FAT3: variants seen among roughly 807,000 people sequenced by gnomAD.
FAT3 encodes the protein protocadherin Fat 3.
Under a neutral mutation model 310.2 loss-of-function variants are expected in FAT3, and 95 were observed. The ratio of observed to expected loss-of-function variants is 0.31; its 90% CI spans 0.26 to 0.36. The LOEUF (loss-of-function observed/expected upper bound fraction) is 0.36, where lower values mean the gene tolerates loss of function less well. FAT3 is among the 10% of genes least tolerant of loss of function. The pLI is 1.00. For synonymous variants in FAT3, 2,314 were observed against 2,192.9 expected, an observed-to-expected ratio of 1.06 and a Z score of -1.54; for missense variants, 5,408 against 5,715.6, an observed-to-expected ratio of 0.95 and a Z score of 1.74.
intron 2 of FAT3, among the ~76,000 whole-genome samples, chr11:92,435,162 C>T (rs1950896418): frequency 6.6e-6 from 1 of 152,174 alleles, no homozygotes; most frequent in African/African-American, 2.4e-5. Flanking sequence ...CCTGTGCAGC[C>T]TGTGTTCCAT....
Position 92,799,175 on chromosome 11 carries a change from A to T in FAT3, c.6162A>T (p.Val2054=), listed in dbSNP as rs1947259813. ...AACAAGAGTTATATGAGCTGGTGGTAGAAGCCAGCCGTGAGCTGGACCATC... is the reference window on the plus strand; with the variant it reads ...AACAAGAGTTATATGAGCTGGTGGTTGAAGCCAGCCGTGAGCTGGACCATC... ...REEQELYELV[V]EASRELDHLR... Residue 2054 remains valine, a synonymous_variant, in exon 10 of 28, where the codon GTA becomes GTT. Transcript: ENST00000525166. The T allele has an allele frequency of 6.2e-7, 1 of 1,613,954 alleles. No individual in the cohort carries two copies. Among genetic ancestry groups the T allele is most frequent in the South Asian group, 1.1e-5 (1 of 91,082 alleles).
intron 2 of FAT3, among the ~76,000 whole-genome samples, chr11:92,485,187 T>G (rs1308532151): frequency 6.6e-6 from 1 of 152,268 alleles, no homozygotes; most frequent in East Asian, 1.9e-4. Flanking sequence ...AACAGGCCAT[T>G]ATTTAATTTA....
intron 2 of FAT3, among the ~76,000 whole-genome samples, chr11:92,442,111 A>ATATATATATTT (rs1453396603): frequency 2.2e-5 from 1 of 45,222 alleles, no homozygotes; most frequent in African/African-American, 1.8e-4. Flanking sequence ...ATATATATAT[A>ATATATATATTT]TTTTTTTTTT....
chr11:92,613,619 T>C (rs567131847), intron 3 of FAT3, among the ~76,000 whole-genome samples: 2 of 152,288 alleles, frequency 1.3e-5, no homozygotes, highest in Admixed American at 1.3e-4. Flanking sequence ...AAACCCCATC[T>C]TCTAGCCTCT....
At chr11:92,403,333 C>G (rs1469973927) in intron 2 of FAT3, 1 of 152,116 alleles carries the variant, frequency 6.6e-6, no homozygotes, top group East Asian at 1.9e-4. Flanking sequence ...TTGTTTAATT[C>G]AAGGATTTTT....
intron 4 of FAT3, among the ~76,000 whole-genome samples, chr11:92,701,490 C>T (rs1015523603): frequency 6.6e-6 from 1 of 152,218 alleles, no homozygotes; most frequent in Non-Finnish European, 1.5e-5. Flanking sequence ...GGCAAATTCA[C>T]AAGTACAGCT....
At chr11:92,618,889 G>A (rs1272942180) in intron 3 of FAT3, among the ~76,000 whole-genome samples, 1 of 151,838 alleles carries the variant, frequency 6.6e-6, no homozygotes, top group African/African-American at 2.4e-5. Context: ...CTGAGTCAAA[G>A]CAGCAAGAGC....
chr11:92,254,536 A>C (rs1213062813), intron 1 of FAT3, among the ~76,000 whole-genome samples: 1 of 152,134 alleles, frequency 6.6e-6, no homozygotes, highest in Non-Finnish European at 1.5e-5. Flanking sequence ...AAAACTTTCA[A>C]ATCATTAGGT....
At chr11:92,256,433 C>T (rs1865320788) in intron 1 of FAT3, among the ~76,000 whole-genome samples, 1 of 151,704 alleles carries the variant, frequency 6.6e-6, no homozygotes, top group South Asian at 2.1e-4. Context: ...AAAAATGTGA[C>T]TCATTTATAG....
At chr11:92,734,639 A>G (rs1945287824) in intron 4 of FAT3, among the ~76,000 whole-genome samples, 2 of 152,178 alleles carry the variant, frequency 1.3e-5, no homozygotes, top group Non-Finnish European at 2.9e-5. Context: ...GAACACTATA[A>G]GTACTCAAAA....
At chr11:92,440,922 G>T (rs1463859266) in intron 2 of FAT3, among the ~76,000 whole-genome samples, 1 of 152,022 alleles carries the variant, frequency 6.6e-6, no homozygotes, top group Admixed American at 6.6e-5. Context: ...AACCTGACTG[G>T]GTCTCAGCCT....
In FAT3 at chr11:92,353,931, G is replaced by A. The variant is rs1409407461; in HGVS notation, c.1819G>A (p.Glu607Lys). ...AGCAGTCTCAGCGATCGATATCGATGAACTTGAACTTGTAAAGTACAAAAT... is the reference window on the plus strand; with the variant it reads ...AGCAGTCTCAGCGATCGATATCGATAAACTTGAACTTGTAAAGTACAAAAT... The part of the protein sequence containing the change: ...ITAVSAIDID[E>K]LELVKYKIIS... The change falls in exon 2 of 28, where the codon GAA becomes AAA. Residue 607 changes from glutamate to lysine, a missense_variant. By Grantham distance (56) the Glu-to-Lys change is moderately conservative. Around this residue, in one of 5 missense-constraint regions of FAT3, gnomAD observed 4,588 missense variants for 4,809.8 expected, o/e 0.95. Coordinates refer to ENST00000525166, the MANE Select transcript of FAT3 (RefSeq NM_001367949.2). 2.5e-6 allele frequency: 4 copies of A among 1,611,676 alleles called. No individual in the cohort carries two copies. The highest frequency in any genetic ancestry group is 3.4e-6 in the Non-Finnish European group (4 of 1,178,014).
intron 1 of FAT3, among the ~76,000 whole-genome samples, chr11:92,287,971 A>G (rs1946600088): frequency 6.6e-6 from 1 of 152,128 alleles, no homozygotes; most frequent in Non-Finnish European, 1.5e-5. Context: ...TCTATGATAT[A>G]GGTGTGTGTA....
intron 2 of FAT3, among the ~76,000 whole-genome samples, chr11:92,501,360 T>C (rs1952932759): frequency 1.3e-5 from 2 of 152,098 alleles, no homozygotes; most frequent in South Asian, 4.1e-4. Context: ...GCTGAGCTAT[T>C]GTCTTAGACT....
At chr11:92,315,512 T>TAGACAGAG (rs1947430614) in intron 1 of FAT3, among the ~76,000 whole-genome samples, 4 of 56,172 alleles carry the variant, frequency 7.1e-5, no homozygotes. Flanking sequence ...TATATATATA[T>TAGACAGAG]AGAGAGAGAG....
chr11:92,367,949 G>C (rs985207775), intron 2 of FAT3, among the ~76,000 whole-genome samples: 4 of 152,212 alleles, frequency 2.6e-5, no homozygotes, highest in African/African-American at 9.6e-5. Context: ...GCGAATGCCT[G>C]CTTTGAGAAA....
chr11:92,246,453 G>A (rs756740235), intron 1 of FAT3, among the ~76,000 whole-genome samples: 9 of 152,128 alleles, frequency 5.9e-5, no homozygotes, highest in Middle Eastern at 6.8e-3. Context: ...AAACAGGACA[G>A]GAAAAGGATT....
Position 92,562,448 on chromosome 11 carries a change from C to T in FAT3, c.3607+37500C>T, listed in dbSNP as rs187752836. Among the ~76,000 whole-genome samples the T allele has an allele frequency of 1.1e-3, 164 of 152,230 alleles. 1 individual carries two copies. Among genetic ancestry groups the T allele is most frequent in the Non-Finnish European group, 2.5e-4 (17 of 68,032 alleles). On this transcript the variant is annotated intron_variant, in intron 3 of 27. Transcript: ENST00000525166. The stretch of plus-strand genomic sequence containing the variant: ...TGTAAATTTCTTAACCTTGCTGAGC[C>T]TCAGTCTTCTTACCTGTAAAGTGGA...
rs148394720 is a variant in FAT3 at position 92,756,239 on chromosome 11, A to G, written c.3670-5617A>G. On this transcript the variant is annotated intron_variant, in intron 4 of 27. Coordinates refer to ENST00000525166, the MANE Select transcript of FAT3 (RefSeq NM_001367949.2). ...ATATGCTATCGTTTTTCTTGTACAT[A>G]CATACCTATGACAAAGCTTAATTTA... Among the ~76,000 whole-genome samples, 91 of 152,344 alleles carry G rather than the reference A, an allele frequency of 6.0e-4. 1 individual carries two copies. The highest frequency in any genetic ancestry group is 2.0e-3 in the African/African-American group (82 of 41,572).
Sources: gnomAD v4.1 joint callset for allele counts (sites outside exome capture counted in the v4.1 genomes callset) on GRCh38, gnomAD v4.1.1 for gene constraint, gnomAD v4.1.1 regional missense constraint, MANE v1.5 for transcripts, NCBI Gene and HGNC (gene_info 2026-07-23, HGNC 2026-07-21) for gene names.